The following FBH1 variants were observed in gnomAD, a reference collection of about 807,000 sequenced individuals.
FBH1 encodes the protein F-box DNA helicase 1.
In FBH1, 43 loss-of-function variants were observed where a neutral mutation model predicts 115.5. That is an observed-to-expected ratio of 0.37 (90% CI 0.29 to 0.48). The LOEUF is 0.48. Among genes scored for constraint, FBH1 ranks in the 20% least tolerant of loss-of-function variants. FBH1 has a pLI of 0.99. For synonymous variants in FBH1, 524 were observed against 507.8 expected (o/e 1.03, Z -0.43); for missense variants, 1,001 against 1,337.3 (o/e 0.75, Z 3.92).
rs755845635 is a variant in FBH1 at position 5,924,260 on chromosome 10, A to G, written c.2399-51A>G. Reference sequence around the variant, plus strand: ...TTAGGAACGTGCAGCACCTGCCACCATCTGTTAGTGGAGCTTGTGTCACCT... The same window carrying G: ...TTAGGAACGTGCAGCACCTGCCACCGTCTGTTAGTGGAGCTTGTGTCACCT... On this transcript the variant is annotated intron_variant, in intron 16 of 20. Transcript: ENST00000362091. The surrounding 1 kb of genome is among the most constrained non-coding windows in gnomAD (Gnocchi z 6.2). The G allele has an allele frequency of 3.2e-6, 5 of 1,585,240 alleles. No homozygotes were observed. The highest frequency in any genetic ancestry group is 1.7e-4 in the Middle Eastern group (1 of 5,916).
At position 5,906,030 on chromosome 10, in the gene FBH1, T is replaced by C. The variant is rs758236012; in HGVS notation, c.158-7T>C. On this transcript the variant is annotated splice_polypyrimidine_tract_variant and splice_region_variant and intron_variant, in intron 2 of 20. Transcript: ENST00000362091. The surrounding 1 kb of genome is among the most constrained non-coding windows in gnomAD (Gnocchi z 7.3). ...TCTTGTCCATCCTGTTTGGGTTCTCTCTACAGGTCAGGGAAGTCAAAGATG... is the reference window on the plus strand; with the variant it reads ...TCTTGTCCATCCTGTTTGGGTTCTCCCTACAGGTCAGGGAAGTCAAAGATG... 3 of 1,596,610 alleles carry C rather than the reference T, an allele frequency of 1.9e-6. No homozygotes were observed. Among genetic ancestry groups the C allele is most frequent in the Non-Finnish European group, 2.6e-6 (3 of 1,165,588 alleles).
At position 5,932,428 on chromosome 10, in the gene FBH1, T is replaced by A. The variant is rs1476516108; in HGVS notation, c.2830-4028T>A. 6.6e-6 allele frequency among the ~76,000 whole-genome samples: 1 copy of A among 152,234 alleles called. No individual in the cohort carries two copies. Among genetic ancestry groups the A allele is most frequent in the African/African-American group, 2.4e-5 (1 of 41,460 alleles). ...TTTTACTCTTTTATTTTTTGCCCTTTTATTCTTTTATTTGTTGTCCTACCC... is the reference window on the plus strand; with the variant it reads ...TTTTACTCTTTTATTTTTTGCCCTTATATTCTTTTATTTGTTGTCCTACCC... On this transcript the variant is annotated intron_variant, in intron 19 of 20. Coordinates refer to ENST00000362091, the MANE Select transcript of FBH1 (RefSeq NM_178150.3). The surrounding 1 kb of genome is among the most constrained non-coding windows in gnomAD (Gnocchi z 5.9).
chr10:5,904,715 A>T (rs1339447068), intron 2 of FBH1, among the ~76,000 whole-genome samples: 7 of 152,096 alleles, frequency 4.6e-5, no homozygotes, highest in Non-Finnish European at 1.0e-4. Flanking sequence ...TAATAATAAT[A>T]TTTTTTAAAA....
At chr10:5,912,886 T>C (rs1831689606) in intron 6 of FBH1, among the ~76,000 whole-genome samples, 1 of 152,234 alleles carries the variant, frequency 6.6e-6, no homozygotes, top group South Asian at 2.1e-4. Flanking sequence ...TTGTTGCGTT[T>C]CTTTGTTTCT....
chr10:5,924,151 A>G lies in FBH1; in HGVS notation c.2399-160A>G, dbSNP rs557620299. On this transcript the variant is annotated intron_variant, in intron 16 of 20. Transcript: ENST00000362091. The surrounding 1 kb of genome is among the most constrained non-coding windows in gnomAD (Gnocchi z 6.2). ...GCTACTGCACTGCACTGACTTGCCC[A>G]GGGACACACAGCGAGTTAGTGATGC... 80 of 663,244 alleles carry G rather than the reference A, an allele frequency of 1.2e-4. 1 individual carries two copies. Among genetic ancestry groups the G allele is most frequent in the East Asian group, 1.1e-3 (39 of 36,876 alleles). 41.1% of individuals were successfully genotyped at this position (663,244 alleles called of 1,614,324 possible). A position where few individuals can be genotyped will look rare whatever the true frequency, so the allele number is the denominator to read the frequency against.
In FBH1 at chr10:5,908,908, GTTTT is replaced by G; in HGVS notation, c.754-14_754-11del. The G allele has an allele frequency of 6.2e-7, 1 of 1,613,292 alleles. No homozygotes were observed. Among genetic ancestry groups the G allele is most frequent in the South Asian group, 1.1e-5 (1 of 91,070 alleles). ...CCCTTTGCCTCATGTTATTTTGTTT[GTTTT>G]TTAACTGCATAGTTCATTCCTTGGA... is the stretch of plus-strand genomic sequence containing the variant. On this transcript the variant is annotated splice_polypyrimidine_tract_variant and intron_variant, in intron 3 of 20. Transcript: ENST00000362091.
chr10:5,925,166 T>C lies in FBH1; in HGVS notation c.2597-201T>C, dbSNP rs1425334549. The C allele has an allele frequency of 2.2e-5, 14 of 631,110 alleles. No homozygotes were observed. The highest frequency in any genetic ancestry group is 3.1e-5 in the Non-Finnish European group (12 of 381,922). 39.1% of individuals were successfully genotyped at this position (631,110 alleles called of 1,614,324 possible). Reference sequence around the variant, plus strand: ...CTCTCCTGCAACTAATTTTCGACTTTTCCCCTCGTCTTTTTCTTTTTTCTG... The same window carrying C: ...CTCTCCTGCAACTAATTTTCGACTTCTCCCCTCGTCTTTTTCTTTTTTCTG... On this transcript the variant is annotated intron_variant, in intron 17 of 20. Transcript: ENST00000362091. The surrounding 1 kb of genome is among the most constrained non-coding windows in gnomAD (Gnocchi z 4.6).
In FBH1 at chr10:5,936,555, G is replaced by A. The variant is rs1384514333; in HGVS notation, c.2929G>A (p.Val977Ile). The A allele has an allele frequency of 6.2e-7, 1 of 1,614,148 alleles. No individual in the cohort carries two copies. The highest frequency in any genetic ancestry group is 1.7e-5 in the Admixed American group (1 of 60,030). ...CAACAATGCCATCCCTGTTGACACCGTCCTTACCATGAAGAAGCTGCCCAT... is the reference window on the plus strand; with the variant it reads ...CAACAATGCCATCCCTGTTGACACCATCCTTACCATGAAGAAGCTGCCCAT... ...QCNNAIPVDTVLTMKKLPITY... is the reference protein window; with the variant it reads ...QCNNAIPVDTILTMKKLPITY... The change falls in exon 20 of 21, where the codon GTC (valine) becomes ATC (isoleucine). Residue 977 changes from valine (V) to isoleucine (I), a missense_variant. Around this residue, in one of 4 missense-constraint regions of FBH1, gnomAD observed 521 missense variants for 811.0 expected, o/e 0.64. Transcript: ENST00000362091. This position sits in a 1 kb window ranked among gnomAD's most constrained non-coding sequence, Gnocchi z 5.6.
intron 18 of FBH1, among the ~76,000 whole-genome samples, chr10:5,926,922 C>T (rs779140091): frequency 6.6e-6 from 1 of 152,212 alleles, no homozygotes; most frequent in Non-Finnish European, 1.5e-5. Flanking sequence ...ACATAGCACA[C>T]CTGTGTGTCT....
At chr10:5,901,106 AAAAAG>A (rs1017731191) in intron 1 of FBH1, among the ~76,000 whole-genome samples, 11 of 149,506 alleles carry the variant, frequency 7.4e-5, no homozygotes, top group Admixed American at 2.0e-4. Context: ...CAAAAAAAGA[AAAAAG>A]AAAAAAAAAG....
Position 5,937,315 on chromosome 10 carries a change from C to G in FBH1, c.*35C>G. On this transcript the variant is annotated 3_prime_UTR_variant, in exon 21 of 21. Transcript: ENST00000362091. Reference sequence around the variant, plus strand: ...GCACGTTCTCCGCAGTGCAGAGCAGCTTGCCGAGGACCCCGCGTGAAGAAA... The same window carrying G: ...GCACGTTCTCCGCAGTGCAGAGCAGGTTGCCGAGGACCCCGCGTGAAGAAA... 6.7e-7 allele frequency: 1 copy of G among 1,484,802 alleles called. No homozygotes were observed. The highest frequency in any genetic ancestry group is 1.4e-5 in the South Asian group (1 of 71,950). The allele number at this position is 1,484,802 out of a possible 1,614,324, so 92.0% of individuals were successfully genotyped here. A position where few individuals can be genotyped will look rare whatever the true frequency, so the allele number is the denominator to read the frequency against.
In FBH1 at chr10:5,911,276, G is replaced by A. The variant is rs922288384; in HGVS notation, c.1211+148G>A. On this transcript the variant is annotated intron_variant, in intron 6 of 20. Coordinates refer to ENST00000362091, the MANE Select transcript of FBH1 (RefSeq NM_178150.3). This position sits in a 1 kb window ranked among gnomAD's most constrained non-coding sequence, Gnocchi z 5.4. ...CACCTCAGTGTCATCTTCTGCAGGA[G>A]CCAGGGGCTGAGAGTTTGATGTGGA... 9.2e-6 allele frequency: 7 copies of A among 763,732 alleles called. No individual in the cohort carries two copies. The highest frequency in any genetic ancestry group is 8.8e-5 in the Admixed American group (3 of 33,946). 47.3% of individuals were successfully genotyped at this position (763,732 alleles called of 1,614,324 possible). A position where few individuals can be genotyped will look rare whatever the true frequency, so the allele number is the denominator to read the frequency against.
chr10:5,926,935 CTTG>C (rs1832689754), intron 18 of FBH1, among the ~76,000 whole-genome samples: 2 of 152,314 alleles, frequency 1.3e-5, no homozygotes, highest in South Asian at 4.1e-4. Context: ...GTGTGTCTTC[CTTG>C]TTGTCCTGTG....
At position 5,937,079 on chromosome 10, in the gene FBH1, C is replaced by T. The variant is rs1232513462; in HGVS notation, c.2962-31C>T. 3.2e-6 allele frequency: 5 copies of T among 1,561,146 alleles called. No individual in the cohort carries two copies. The Admixed American group carries it at 5.7e-5, about 18-fold the overall frequency. ...AAAATCCATGTTCTTTGGTTGTTCC[C>T]CTTAGCTCTCTCTCTTGTCCATCAC... On this transcript the variant is annotated intron_variant, in intron 20 of 20. Transcript: ENST00000362091.
chr10:5,920,265 G>A (rs916323770), intron 13 of FBH1, among the ~76,000 whole-genome samples: 2 of 152,262 alleles, frequency 1.3e-5, no homozygotes, highest in African/African-American at 4.8e-5. Flanking sequence ...CCACAGAGGT[G>A]AAGCGCCATT....
chr10:5,916,229 T>G lies in FBH1; in HGVS notation c.1566-5T>G. On this transcript the variant is annotated splice_polypyrimidine_tract_variant and splice_region_variant and intron_variant, in intron 9 of 20. Coordinates refer to ENST00000362091, the MANE Select transcript of FBH1 (RefSeq NM_178150.3). ...CGTGCTGTTCATTTGGGATGGGTATTGCAGGTACCAGTCAAAGAAGAAGTT... is the reference window on the plus strand; with the variant it reads ...CGTGCTGTTCATTTGGGATGGGTATGGCAGGTACCAGTCAAAGAAGAAGTT... The G allele has an allele frequency of 6.2e-7, 1 of 1,613,834 alleles. No individual in the cohort carries two copies. The highest frequency in any genetic ancestry group is 8.5e-7 in the Non-Finnish European group (1 of 1,179,750).
intron 1 of FBH1, chr10:5,894,575 C>T (rs750764181): frequency 1.6e-5 from 13 of 790,940 alleles, no homozygotes; most frequent in Admixed American, 8.6e-5. Flanking sequence ...GAGGGTCAGA[C>T]GAGAATATAG....
At chr10:5,920,946 CAA>C (rs1284738025) in intron 13 of FBH1, among the ~76,000 whole-genome samples, 2 of 152,126 alleles carry the variant, frequency 1.3e-5, no homozygotes, top group Non-Finnish European at 2.9e-5. Flanking sequence ...AGAGGGATCT[CAA>C]AGGCAAGGGG....
chr10:5,915,777 G>C lies in FBH1; in HGVS notation c.1565+206G>C. 1.7e-6 allele frequency: 1 copy of C among 571,912 alleles called. No homozygotes were observed. Among genetic ancestry groups the C allele is most frequent in the Non-Finnish European group, 3.1e-6 (1 of 323,556 alleles). 35.4% of individuals were successfully genotyped at this position (571,912 alleles called of 1,614,324 possible). A position where few individuals can be genotyped will look rare whatever the true frequency, so the allele number is the denominator to read the frequency against. On this transcript the variant is annotated intron_variant, in intron 9 of 20. Coordinates refer to ENST00000362091, the MANE Select transcript of FBH1 (RefSeq NM_178150.3). The surrounding 1 kb of genome is among the most constrained non-coding windows in gnomAD (Gnocchi z 5.2). ...CAACATATTGTTTACATATAATGCCGTCTTGCCAAGAGGGGTGTTCTCATG... is the reference window on the plus strand; with the variant it reads ...CAACATATTGTTTACATATAATGCCCTCTTGCCAAGAGGGGTGTTCTCATG...
Sources: allele counts gnomAD v4.1 joint callset (sites outside exome capture counted in the v4.1 genomes callset), GRCh38; gene constraint gnomAD v4.1.1; regional missense constraint gnomAD v4.1.1; non-coding constraint Gnocchi (gnomAD v3.1); transcripts MANE v1.5; gene names NCBI Gene and HGNC (gene_info 2026-07-23, HGNC 2026-07-21).